MICAL2: variants seen among roughly 807,000 people sequenced by gnomAD.
MICAL2 encodes [F-actin]-monooxygenase MICAL2.
MICAL2 carries 77 observed loss-of-function variants against 127.3 expected under a neutral mutation model. The observed-to-expected ratio is 0.60, with a 90% CI of 0.50 to 0.73. The LOEUF is 0.73. Ranked by LOEUF, MICAL2 falls within the 30% of genes least tolerant of loss-of-function variation. The pLI, the probability that MICAL2 is intolerant of heterozygous loss-of-function variation, is 0.00. For missense variants in MICAL2, 1,351 were observed against 1,434.4 expected (o/e 0.94, Z 0.94); for synonymous variants, 570 against 551.1 (o/e 1.03, Z -0.48).
chr11:12,214,643 GA>G (rs1565176532), intron 7 of MICAL2, among the ~76,000 whole-genome samples: 3 of 152,184 alleles, frequency 2.0e-5, no homozygotes, highest in Non-Finnish European at 4.4e-5. Flanking sequence ...AAAACAATCA[GA>G]ATATTTTATG....
chr11:12,217,812 G>C (rs1242845158), intron 8 of MICAL2, among the ~76,000 whole-genome samples: 1 of 152,068 alleles, frequency 6.6e-6, no homozygotes, highest in Non-Finnish European at 1.5e-5. Context: ...CCTGGGAGCA[G>C]CTCCTGAGCT....
intron 1 of MICAL2, among the ~76,000 whole-genome samples, chr11:12,115,985 T>C: frequency 6.6e-6 from 1 of 150,928 alleles, no homozygotes; most frequent in African/African-American, 2.4e-5. Flanking sequence ...TTTCTTTTTT[T>C]TTTTTTTTTT....
At chr11:12,283,889 T>G (rs1590720484) in intron 2 of MICAL2, among the ~76,000 whole-genome samples, 1 of 152,142 alleles carries the variant, frequency 6.6e-6, no homozygotes, top group Admixed American at 6.5e-5. Flanking sequence ...AACATCAGGG[T>G]CAGGGATTCG....
chr11:12,155,360 T>C (rs1268319902), intron 2 of MICAL2, among the ~76,000 whole-genome samples: 2 of 152,194 alleles, frequency 1.3e-5, no homozygotes, highest in Admixed American at 6.5e-5. Flanking sequence ...ACATGCTACA[T>C]ATACATGTGT....
In MICAL2 at chr11:12,222,882, A is replaced by G. The variant is rs575413044; in HGVS notation, c.1449+139A>G. 2.7e-6 allele frequency: 3 copies of G among 1,094,160 alleles called. No homozygotes were observed. In the East Asian group the frequency reaches 7.8e-5, roughly 28 times the overall value. The allele number at this position is 1,094,160 out of a possible 1,614,324, so 67.8% of individuals were successfully genotyped here. ...GGCCTGCTGGCCTAATGGTGGGACC[A>G]GTTCTTCTCCCCACTCGAGTCAGCA... On this transcript the variant is annotated intron_variant, in intron 11 of 27. Coordinates refer to ENST00000683283, the MANE Select transcript of MICAL2 (RefSeq NM_001282663.2).
At chr11:12,296,809 A>G (rs967024530), downstream of MICAL2, among the ~76,000 whole-genome samples, 4 of 151,944 alleles carry the variant, frequency 2.6e-5, no homozygotes, top group African/African-American at 9.7e-5. Context: ...GCATGGCAGC[A>G]TGCTGTGTGC....
At chr11:12,267,262 C>T (rs1426309577), downstream of MICAL2, among the ~76,000 whole-genome samples, 1 of 152,164 alleles carries the variant, frequency 6.6e-6, no homozygotes, top group African/African-American at 2.4e-5. Flanking sequence ...TTGCTCCACA[C>T]CTGATGTCTA....
chr11:12,321,794 G>T (rs1354543847), intron 30 of MICAL2, among the ~76,000 whole-genome samples: 1 of 152,088 alleles, frequency 6.6e-6, no homozygotes, highest in Non-Finnish European at 1.5e-5. Flanking sequence ...CTGCTGGGAA[G>T]CGCTAAGACC....
Position 12,342,090 on chromosome 11 carries a change from A to G in MICAL2, c.5516-7748A>G, listed in dbSNP as rs150260095. 2.2e-3 allele frequency among the ~76,000 whole-genome samples: 328 copies of G among 152,376 alleles called. 2 individuals are homozygous for G. The highest frequency in any genetic ancestry group is 0.01 in the Middle Eastern group (3 of 294). On this transcript the variant is annotated intron_variant, in intron 32 of 34. Transcript: ENST00000646065. ...AGGAAAAGGCATGAGATGAGGACAC[A>G]GGAGCAATTGAAGAGCCAGTTGACA...
At chr11:12,258,699 G>C in intron 25 of MICAL2, 143 bp downstream of exon 25, 2 of 716,480 alleles carry the variant, frequency 2.8e-6, no homozygotes, top group South Asian at 3.7e-5. Context: ...CTGCTTCCTG[G>C]TGTGGAGGGT....
intron 9 of MICAL2, among the ~76,000 whole-genome samples, chr11:12,221,005 C>G (rs1241405133): frequency 1.3e-5 from 2 of 152,200 alleles, no homozygotes; most frequent in African/African-American, 4.8e-5. Flanking sequence ...TGTATTTATT[C>G]CAAGTTAAGA....
chr11:12,287,372 T>C, downstream of MICAL2: 1 of 364,946 alleles, frequency 2.7e-6, no homozygotes, highest in Admixed American at 4.6e-5. Context: ...GATCTTCCCA[T>C]CCCCCTCCAC....
In MICAL2 at chr11:12,286,305, C is replaced by T. The variant is rs111783024; in HGVS notation, c.255-782C>T. ...AAAGGGGAGGCAGAGAGTAGAACTT[C>T]CTGCAGCTTCCTGGCTTCAATCAGA... On this transcript the variant is annotated intron_variant, in intron 2 of 2. Coordinates refer to the MICAL2 transcript ENST00000529028. Among the ~76,000 whole-genome samples the T allele has an allele frequency of 1.2e-3, 178 of 152,218 alleles. 1 individual carries two copies. Among genetic ancestry groups the T allele is most frequent in the African/African-American group, 4.2e-3 (174 of 41,522 alleles).
upstream of MICAL2, among the ~76,000 whole-genome samples, chr11:12,271,901 G>A (rs917698912): frequency 1.3e-5 from 2 of 152,236 alleles, no homozygotes; most frequent in African/African-American, 4.8e-5. Context: ...GCAAAAGGGG[G>A]CCCAGAGGAA....
intron 1 of MICAL2, among the ~76,000 whole-genome samples, chr11:12,278,850 G>A (rs955003173): frequency 2.0e-5 from 3 of 152,222 alleles, no homozygotes; most frequent in East Asian, 1.9e-4. Context: ...GAAGGTGCAC[G>A]TTAGTGGAGA....
intron 32 of MICAL2, among the ~76,000 whole-genome samples, chr11:12,328,706 C>G (rs2134855560): frequency 6.6e-6 from 1 of 152,254 alleles, no homozygotes. Context: ...AGGTGAAAAA[C>G]TGAGCACTGA....
chr11:12,226,380 T>G lies in MICAL2; in HGVS notation c.1888+10T>G, dbSNP rs1214472681. 5 of 1,613,230 alleles carry G rather than the reference T, an allele frequency of 3.1e-6. No homozygotes were observed. In the East Asian group the frequency reaches 1.1e-4, roughly 36 times the overall value. On this transcript the variant is annotated intron_variant, in intron 14 of 27. Coordinates refer to ENST00000683283, the MANE Select transcript of MICAL2 (RefSeq NM_001282663.2). ...CCACTGAGGCCCGTGGGTAAGCACC[T>G]GCACAGAGGTTTTGCTTAGCCCCTT...
chr11:12,297,018 T>G (rs940579937), downstream of MICAL2, among the ~76,000 whole-genome samples: 3 of 152,162 alleles, frequency 2.0e-5, no homozygotes, highest in African/African-American at 7.2e-5. Context: ...AATTAACTGA[T>G]AGCTTAGGCC....
At chr11:12,158,769 C>G (rs183487395) in intron 2 of MICAL2, among the ~76,000 whole-genome samples, 38 of 152,252 alleles carry the variant, frequency 2.5e-4, no homozygotes, top group Middle Eastern at 3.4e-3. Flanking sequence ...CTGAGGGAAG[C>G]CTGTATTATC....
Sources: gnomAD v4.1 joint callset for allele counts (sites outside exome capture counted in the v4.1 genomes callset) on GRCh38, gnomAD v4.1.1 for gene constraint, MANE v1.5 for transcripts, NCBI Gene and HGNC (gene_info 2026-07-23, HGNC 2026-07-21) for gene names.